The following BCL2L10 variants were observed in gnomAD, a reference collection of about 807,000 sequenced individuals.
BCL2L10 encodes BCL2 like 10.
BCL2L10 carries 14 observed loss-of-function variants against 11.1 expected under a neutral mutation model. The ratio of observed to expected loss-of-function variants is 1.26; its 90% CI spans 0.83 to 1.96. The LOEUF (loss-of-function observed/expected upper bound fraction) is 1.96, where lower values mean the gene tolerates loss of function less well. Among genes scored for constraint, BCL2L10 ranks in the 30% most tolerant of loss-of-function variants. BCL2L10 has a pLI of 0.00. For missense variants in BCL2L10, 309 were observed against 273.9 expected (o/e 1.13, Z -0.90); for synonymous variants, 154 against 133.4 (o/e 1.15, Z -1.07).
In BCL2L10 at chr15:52,112,717, G is replaced by T; in HGVS notation, c.10C>A (p.Gln4Lys). ...GCCATGGTGGTGCGCTCCCGCAACTGGTCAACCATGGTCCGGCCTCTGCTG... is the reference window on the plus strand; with the variant it reads ...GCCATGGTGGTGCGCTCCCGCAACTTGTCAACCATGGTCCGGCCTCTGCTG... MVD[Q>K]LRERTTMADP... The change falls in exon 1 of 2, where the codon CAG becomes AAG. Residue 4 changes from glutamine to lysine, a missense_variant. Transcript: ENST00000260442. The T allele has an allele frequency of 6.5e-7, 1 of 1,532,974 alleles. No individual in the cohort carries two copies. The highest frequency in any genetic ancestry group is 1.2e-5 in the South Asian group (1 of 83,832). 95.0% of individuals were successfully genotyped at this position (1,532,974 alleles called of 1,614,324 possible).
Position 52,109,557 on chromosome 15 carries a change from A to G in BCL2L10, c.*291T>C. 1 of 296,766 alleles carries G rather than the reference A, an allele frequency of 3.4e-6. No individual in the cohort carries two copies. The highest frequency in any genetic ancestry group is 5.0e-5 in the Admixed American group (1 of 20,156). The allele number at this position is 296,766 out of a possible 1,614,324, so 18.4% of individuals were successfully genotyped here. On this transcript the variant is annotated 3_prime_UTR_variant, in exon 2 of 2. Coordinates refer to ENST00000260442, the MANE Select transcript of BCL2L10 (RefSeq NM_020396.4). ...TCCAAGTTTTAGCAAATAGCACTGT[A>G]TTTCCCATTTAATGGAATGCAGTTT...
rs2033012204 is a variant in BCL2L10 at position 52,109,291 on chromosome 15, A to G, written c.*557T>C. On this transcript the variant is annotated 3_prime_UTR_variant, in exon 2 of 2. Coordinates refer to ENST00000260442, the MANE Select transcript of BCL2L10 (RefSeq NM_020396.4). ...TTTTTAAAGGTACAAATTTATTAAA[A>G]CTTTGCAGTTAACAATTATTGAAGA... 1 of 152,256 alleles carries G rather than the reference A, an allele frequency of 6.6e-6. No individual in the cohort carries two copies. Among genetic ancestry groups the G allele is most frequent in the African/African-American group, 2.4e-5 (1 of 41,470 alleles). 9.4% of individuals were successfully genotyped at this position (152,256 alleles called of 1,614,324 possible). A position where few individuals can be genotyped will look rare whatever the true frequency, so the allele number is the denominator to read the frequency against.
At position 52,112,564 on chromosome 15, in the gene BCL2L10, T is replaced by C. The variant is rs1282053961; in HGVS notation, c.163A>G (p.Arg55Gly). 3 of 1,580,616 alleles carry C rather than the reference T, an allele frequency of 1.9e-6. No individual in the cohort carries two copies. In the African/African-American group the frequency reaches 4.1e-5, roughly 21 times the overall value. ...EAAVLRSAAA[R>G]LRQIHRSFFS... Reference sequence around the variant, plus strand: ...AAGGACCGGTGAATCTGCCGTAACCTGGCGGCCGCGGAGCGCAGCACGGCG... The same window carrying C: ...AAGGACCGGTGAATCTGCCGTAACCCGGCGGCCGCGGAGCGCAGCACGGCG... Residue 55 changes from arginine (R) to glycine (G), a missense_variant, in exon 1 of 2, where the codon AGG becomes GGG. By Grantham distance (125) the Arg-to-Gly change is moderately radical. Transcript: ENST00000260442.
rs1287416602 is a variant in BCL2L10, at chr15:52,112,086, C to T, written c.489+152G>A. 3.0e-6 allele frequency: 4 copies of T among 1,347,826 alleles called. No homozygotes were observed. The African/African-American group carries it at 4.6e-5, about 16-fold the overall frequency. The allele number at this position is 1,347,826 out of a possible 1,614,324, so 83.5% of individuals were successfully genotyped here. ...GGAGGAGAAACCCCAGACTTCACAG[C>T]GAACGTTCCAGGCCCGCTGAAACGA... On this transcript the variant is annotated intron_variant, in intron 1 of 1. Coordinates refer to ENST00000260442, the MANE Select transcript of BCL2L10 (RefSeq NM_020396.4).
intron 1 of BCL2L10, 179 bp downstream of exon 1, chr15:52,112,059 G>A (rs547588185): frequency 1.6e-6 from 2 of 1,240,460 alleles, no homozygotes; most frequent in Non-Finnish European, 2.1e-6. Flanking sequence ...CTTTCTGCCA[G>A]GGGAGGAGAA....
intron 1 of BCL2L10, among the ~76,000 whole-genome samples, chr15:52,111,053 G>C (rs1471549327): frequency 6.6e-6 from 1 of 151,996 alleles, no homozygotes; most frequent in African/African-American, 2.4e-5. Flanking sequence ...AGTCTAAATG[G>C]GGGCCAGGTG....
Position 52,112,586 on chromosome 15 carries a change from G to T in BCL2L10, c.141C>A (p.Ala47=). The part of the protein sequence containing the change: ...PEPAPSTPEA[A]VLRSAAARLR... Reference sequence around the variant, plus strand: ...ACCTGGCGGCCGCGGAGCGCAGCACGGCGGCCTCGGGCGTGGATGGCGCCG... The same window carrying T: ...ACCTGGCGGCCGCGGAGCGCAGCACTGCGGCCTCGGGCGTGGATGGCGCCG... The change falls in exon 1 of 2, where the codon GCC becomes GCA. Residue 47 remains alanine, a synonymous_variant. Transcript: ENST00000260442. 1.9e-6 allele frequency: 3 copies of T among 1,578,616 alleles called. No individual in the cohort carries two copies. Among genetic ancestry groups the T allele is most frequent in the Non-Finnish European group, 2.6e-6 (3 of 1,170,458 alleles).
Position 52,112,619 on chromosome 15 carries a change from G to A in BCL2L10, c.108C>T (p.Thr36=). Residue 36 remains threonine, a synonymous_variant, in exon 1 of 2, where the codon ACC becomes ACT. Transcript: ENST00000260442. ...CGGGCGTGGATGGCGCCGGCTCGGG[G>A]GTGCCGGGTTCCCGGGCGCAGTACC... ...YLGYCAREPG[T]PEPAPSTPEA... 6.4e-7 allele frequency: 1 copy of A among 1,571,202 alleles called. No individual in the cohort carries two copies. Among genetic ancestry groups the A allele is most frequent in the South Asian group, 1.1e-5 (1 of 87,166 alleles).
intron 1 of BCL2L10, 139 bp from the exon 2 acceptor site, chr15:52,110,112 A>G: frequency 1.3e-6 from 1 of 782,448 alleles, no homozygotes; most frequent in Non-Finnish European, 2.0e-6. Context: ...TGACCAATAC[A>G]CATCCAGTAA....
chr15:52,110,206 ACACT>A (rs1329413275), intron 1 of BCL2L10, among the ~76,000 whole-genome samples: 3 of 152,334 alleles, frequency 2.0e-5, no homozygotes, highest in African/African-American at 7.2e-5. Flanking sequence ...TGGTGCAGGA[ACACT>A]CATATCTTGA....
chr15:52,111,535 C>G (rs2033056584), intron 1 of BCL2L10, among the ~76,000 whole-genome samples: 1 of 152,128 alleles, frequency 6.6e-6, no homozygotes, highest in African/African-American at 2.4e-5. Context: ...GGGTCTAGCT[C>G]AGAGCCCCCA....
chr15:52,110,486 T>C (rs1310783727), intron 1 of BCL2L10, among the ~76,000 whole-genome samples: 1 of 151,818 alleles, frequency 6.6e-6, no homozygotes, highest in African/African-American at 2.4e-5. Context: ...CAGGCTGGAG[T>C]GCAATGGCAA....
rs1260422778 is a variant in BCL2L10, at chr15:52,109,794, G to A, written c.*54C>T. 3 of 1,601,970 alleles carry A rather than the reference G, an allele frequency of 1.9e-6. No homozygotes were observed. The highest frequency in any genetic ancestry group is 2.6e-6 in the Non-Finnish European group (3 of 1,172,580). On this transcript the variant is annotated 3_prime_UTR_variant, in exon 2 of 2. Transcript: ENST00000260442. ...CCTCAGTTCTTGTTCTCACACATCT[G>A]TCATTTAGTTGGTCACAGTTGGGCA...
Position 52,109,423 on chromosome 15 carries a change from A to C in BCL2L10, c.*425T>G, listed in dbSNP as rs1186434102. The C allele has an allele frequency of 6.4e-6, 1 of 155,454 alleles. No individual in the cohort carries two copies. Among genetic ancestry groups the C allele is most frequent in the Non-Finnish European group, 1.4e-5 (1 of 70,436 alleles). The allele number at this position is 155,454 out of a possible 1,614,324, so 9.6% of individuals were successfully genotyped here. A position where few individuals can be genotyped will look rare whatever the true frequency, so the allele number is the denominator to read the frequency against. On this transcript the variant is annotated 3_prime_UTR_variant, in exon 2 of 2. Coordinates refer to ENST00000260442, the MANE Select transcript of BCL2L10 (RefSeq NM_020396.4). The stretch of plus-strand genomic sequence containing the variant: ...TGATTTTAACATTACATTCTTTGTT[A>C]AACTGGGACTTTTTCTACTTTGGGG...
chr15:52,112,230 G>T lies in BCL2L10; in HGVS notation c.489+8C>A. On this transcript the variant is annotated splice_region_variant and intron_variant, in intron 1 of 1. Coordinates refer to ENST00000260442, the MANE Select transcript of BCL2L10 (RefSeq NM_020396.4). ...CGCCCCGTGTCCCGGTGTCCGCCGCGTGCTCACCCAGCCGCCCTGAGCCTG... is the reference window on the plus strand; with the variant it reads ...CGCCCCGTGTCCCGGTGTCCGCCGCTTGCTCACCCAGCCGCCCTGAGCCTG... The T allele has an allele frequency of 6.7e-7, 1 of 1,488,554 alleles. No individual in the cohort carries two copies. The highest frequency in any genetic ancestry group is 8.9e-7 in the Non-Finnish European group (1 of 1,123,750). 92.2% of individuals were successfully genotyped at this position (1,488,554 alleles called of 1,614,324 possible). A position where few individuals can be genotyped will look rare whatever the true frequency, so the allele number is the denominator to read the frequency against.
At chr15:52,111,932 C>T (rs2033062195) in intron 1 of BCL2L10, among the ~76,000 whole-genome samples, 1 of 152,102 alleles carries the variant, frequency 6.6e-6, no homozygotes, top group South Asian at 2.1e-4. Context: ...AACGTGGGTG[C>T]CCCCCTAAAA....
In BCL2L10 at chr15:52,112,723, C is replaced by A; in HGVS notation, c.4G>T (p.Val2Phe). Residue 2 changes from valine (V) to phenylalanine (F), a missense_variant, in exon 1 of 2, where the codon GTT (valine) becomes TTT (phenylalanine). Val to Phe is a conservative substitution (Grantham distance 50). Transcript: ENST00000260442. Reference sequence around the variant, plus strand: ...GTGGTGCGCTCCCGCAACTGGTCAACCATGGTCCGGCCTCTGCTGGGGGGC... The same window carrying A: ...GTGGTGCGCTCCCGCAACTGGTCAAACATGGTCCGGCCTCTGCTGGGGGGC... M[V>F]DQLRERTTMA... 1.3e-6 allele frequency: 2 copies of A among 1,532,488 alleles called. No individual in the cohort carries two copies. Among genetic ancestry groups the A allele is most frequent in the Non-Finnish European group, 1.7e-6 (2 of 1,145,646 alleles). The allele number at this position is 1,532,488 out of a possible 1,614,324, so 94.9% of individuals were successfully genotyped here.
At chr15:52,110,064 TAAAGTTTGGATTTAAAAAGTA>T in intron 1 of BCL2L10, 91 bp from the exon 2 acceptor site, 1 of 1,301,632 alleles carries the variant, frequency 7.7e-7, no homozygotes, top group Non-Finnish European at 1.1e-6. Context: ...AACAGCAAAG[TAAAGTTTGGATTTAAAAAGTA>T]AAAGGAAAGG....
rs994870288 is a variant in BCL2L10 at position 52,109,646 on chromosome 15, C to T, written c.*202G>A. 2 of 586,654 alleles carry T rather than the reference C, an allele frequency of 3.4e-6. No homozygotes were observed. Among genetic ancestry groups the T allele is most frequent in the Non-Finnish European group, 2.9e-6 (1 of 350,486 alleles). The allele number at this position is 586,654 out of a possible 1,614,324, so 36.3% of individuals were successfully genotyped here. On this transcript the variant is annotated 3_prime_UTR_variant, in exon 2 of 2. Transcript: ENST00000260442. ...CCATTTCTTTCACTCAAGGAAGAGC[C>T]ATTTGCATTCTTGTCCTCACACCTG...
Sources: allele counts gnomAD v4.1 joint callset (sites outside exome capture counted in the v4.1 genomes callset), GRCh38; gene constraint gnomAD v4.1.1; transcripts MANE v1.5; gene names NCBI Gene and HGNC (gene_info 2026-07-23, HGNC 2026-07-21).